MYO3B: variants seen among roughly 807,000 people sequenced by gnomAD.
The protein encoded by MYO3B is myosin IIIB, also known as myosin-IIIb.
Under a neutral mutation model 174.6 loss-of-function variants are expected in MYO3B, and 156 were observed. The ratio of observed to expected loss-of-function variants is 0.89; its 90% CI spans 0.78 to 1.02. MYO3B has a LOEUF of 1.02. Among genes scored for constraint, MYO3B ranks in the 50% least tolerant of loss-of-function variants. The pLI, the probability that MYO3B is intolerant of heterozygous loss-of-function variation, is 0.00. For synonymous variants in MYO3B, 563 were observed against 569.1 expected, an observed-to-expected ratio of 0.99 and a Z score of 0.15; for missense variants, 1,632 against 1,639.4, an observed-to-expected ratio of 1.00 and a Z score of 0.08.
chr2:170,312,924 A>C (rs1305965884), intron 7 of MYO3B, among the ~76,000 whole-genome samples: 1 of 152,216 alleles, frequency 6.6e-6, no homozygotes, highest in Non-Finnish European at 1.5e-5. Flanking sequence ...AATGTTTCTA[A>C]GTTACACATA....
At chr2:170,407,655 A>G (rs2094518930) in intron 21 of MYO3B, 60 bp from the exon 22 acceptor site, 2 of 1,600,926 alleles carry the variant, frequency 1.2e-6, no homozygotes, top group Non-Finnish European at 1.7e-6. Flanking sequence ...GCAAGTTGCC[A>G]GTGTCACCAA....
chr2:170,332,700 T>C (rs2093920224), intron 7 of MYO3B, among the ~76,000 whole-genome samples: 1 of 152,196 alleles, frequency 6.6e-6, no homozygotes, highest in Admixed American at 6.5e-5. Context: ...AGAAGATGTT[T>C]CCTTGTGTGG....
intron 9 of MYO3B, among the ~76,000 whole-genome samples, chr2:170,375,721 G>GCACACA (rs60928016): frequency 0.051 from 7,609 of 148,676 alleles, 239 homozygotes; most frequent in Non-Finnish European, 0.075. Context: ...GTGCATGCAT[G>GCACACA]CACACACACA....
intron 3 of MYO3B, among the ~76,000 whole-genome samples, chr2:170,210,454 T>C (rs1302127772): frequency 6.6e-6 from 1 of 152,224 alleles, no homozygotes; most frequent in South Asian, 2.1e-4. Flanking sequence ...TTCAATTACA[T>C]GTTATAATGG....
intron 25 of MYO3B, among the ~76,000 whole-genome samples, chr2:170,467,849 C>T (rs1328723749): frequency 1.4e-5 from 2 of 144,154 alleles, no homozygotes; most frequent in Non-Finnish European, 3.0e-5. Flanking sequence ...GCAATGAGAG[C>T]TTTTAAATTA....
chr2:170,474,743 C>CAAAAAAAAAAAAAAAA (rs55913448), intron 25 of MYO3B, among the ~76,000 whole-genome samples: 3 of 37,590 alleles, frequency 8.0e-5, no homozygotes, highest in East Asian at 8.4e-4. Context: ...AACTCCGTCT[C>CAAAAAAAAAAAAAAAA]AAAAAAAAAA....
chr2:170,214,697 C>T (rs2092808781), intron 4 of MYO3B, 32 bp from the exon 5 acceptor site: 1 of 1,580,094 alleles, frequency 6.3e-7, no homozygotes, highest in African/African-American at 1.3e-5. Context: ...TTTCTCTTTC[C>T]TGTTGTTTGG....
chr2:170,343,297 G>A (rs2093991342), intron 8 of MYO3B, among the ~76,000 whole-genome samples: 2 of 152,074 alleles, frequency 1.3e-5, no homozygotes, highest in Non-Finnish European at 2.9e-5. Flanking sequence ...GCCAGGCATG[G>A]TGGTGTGTGC....
At chr2:170,652,203 C>T in intron 34 of MYO3B, 49 bp downstream of exon 34, 1 of 1,546,488 alleles carries the variant, frequency 6.5e-7, no homozygotes, top group East Asian at 2.2e-5. Context: ...AGAAGGGGTC[C>T]TTTGTGATAT....
chr2:170,458,146 A>G (rs752121379), intron 23 of MYO3B, among the ~76,000 whole-genome samples: 21 of 152,226 alleles, frequency 1.4e-4, no homozygotes, highest in African/African-American at 4.6e-4. Context: ...ATTATTGTAC[A>G]TGCTCTGCTT....
chr2:170,543,926 G>C lies in MYO3B; in HGVS notation c.3671G>C (p.Arg1224Pro), dbSNP rs750028664. The change falls in exon 32 of 35, where the codon CGG becomes CCG. Residue 1224 changes from arginine to proline, a missense_variant. Transcript: ENST00000408978. ...SVSGTDLLSS[R>P]ICHPAPDQQG... is the part of the protein sequence containing the mutation. The stretch of plus-strand genomic sequence containing the variant: ...TCTGGGACTGATTTGCTGTCTTCTC[G>C]GATATGCCATCCTGCTCCAGATCAG... 39 of 1,612,896 alleles carry C rather than the reference G, an allele frequency of 2.4e-5. No homozygotes were observed. The highest frequency in any genetic ancestry group is 3.2e-5 in the Non-Finnish European group (38 of 1,179,270).
In MYO3B at chr2:170,562,957, T is replaced by C. The variant is rs145352987; in HGVS notation, c.3733+18969T>C. Among the ~76,000 whole-genome samples the C allele has an allele frequency of 9.8e-4, 149 of 152,034 alleles. 1 individual carries two copies. The highest frequency in any genetic ancestry group is 3.4e-3 in the Middle Eastern group (1 of 294). On this transcript the variant is annotated intron_variant, in intron 32 of 34. Transcript: ENST00000408978. ...ATGGCCTTTCCTCAAATCCTTCTTA[T>C]AATTTTAGCTTCCCTACTTCCCCAT...
At chr2:170,453,174 G>A (rs1683696945) in intron 23 of MYO3B, among the ~76,000 whole-genome samples, 1 of 152,110 alleles carries the variant, frequency 6.6e-6, no homozygotes, top group African/African-American at 2.4e-5. Flanking sequence ...ATTGGTTTCA[G>A]GGGCCTGCAG....
chr2:170,563,093 CTCTT>C (rs757991960), intron 32 of MYO3B, among the ~76,000 whole-genome samples: 14 of 145,504 alleles, frequency 9.6e-5, no homozygotes, highest in Middle Eastern at 3.5e-3. Context: ...CACACATACA[CTCTT>C]TCTCTCTCTC....
In MYO3B at chr2:170,432,733, T is replaced by C. The variant is rs191385576; in HGVS notation, c.2651-11234T>C. 1.2e-3 allele frequency among the ~76,000 whole-genome samples: 186 copies of C among 152,126 alleles called. 1 individual carries two copies. The East Asian group carries it at 0.021, about 17-fold the overall frequency. On this transcript the variant is annotated intron_variant, in intron 22 of 34. Transcript: ENST00000408978. ...TTGGGACTACAGGCGCCTGCCACCATGCCCGGCTAATTTTTGTATTTTTAG... is the reference window on the plus strand; with the variant it reads ...TTGGGACTACAGGCGCCTGCCACCACGCCCGGCTAATTTTTGTATTTTTAG...
At chr2:170,284,142 C>T (rs1223049861) in intron 7 of MYO3B, among the ~76,000 whole-genome samples, 1 of 152,052 alleles carries the variant, frequency 6.6e-6, no homozygotes, top group Non-Finnish European at 1.5e-5. Context: ...CCCTTTAAAG[C>T]TGGGGGGAAG....
At chr2:170,478,806 G>C (rs1045089449) in intron 25 of MYO3B, among the ~76,000 whole-genome samples, 12 of 145,944 alleles carry the variant, frequency 8.2e-5, no homozygotes, top group African/African-American at 3.0e-4. Flanking sequence ...CCTGACCTCA[G>C]GTGATCTCGG....
At chr2:170,196,313 C>T (rs949729988) in intron 1 of MYO3B, among the ~76,000 whole-genome samples, 3 of 152,096 alleles carry the variant, frequency 2.0e-5, no homozygotes, top group East Asian at 3.9e-4. Context: ...TTGAGACTAG[C>T]GTGGGCAACA....
intron 32 of MYO3B, among the ~76,000 whole-genome samples, chr2:170,551,453 C>T (rs1690903807): frequency 6.9e-6 from 1 of 145,070 alleles, no homozygotes; most frequent in South Asian, 2.2e-4. Context: ...TCACTGCAGC[C>T]TCCACCTCCT....
Sources: gnomAD v4.1 joint callset for allele counts (sites outside exome capture counted in the v4.1 genomes callset) on GRCh38, gnomAD v4.1.1 for gene constraint, MANE v1.5 for transcripts, NCBI Gene and HGNC (gene_info 2026-07-23, HGNC 2026-07-21) for gene names.